Variants in MKLN1 observed in about 807,000 individuals in gnomAD.
MKLN1 encodes the protein muskelin.
Under a neutral mutation model 99.0 loss-of-function variants are expected in MKLN1, and 18 were observed. That is an observed-to-expected ratio of 0.18 (90% CI 0.13 to 0.27). The LOEUF is 0.27. Among genes scored for constraint, MKLN1 ranks in the 10% least tolerant of loss-of-function variants. MKLN1 has a pLI of 1.00. For missense variants in MKLN1, 621 were observed against 875.9 expected, an observed-to-expected ratio of 0.71 and a Z score of 3.67; for synonymous variants, 288 against 293.2, an observed-to-expected ratio of 0.98 and a Z score of 0.18.
chr7:131,261,231 T>C (rs1255355994), intron 3 of MKLN1, among the ~76,000 whole-genome samples: 1 of 152,150 alleles, frequency 6.6e-6, no homozygotes. Flanking sequence ...GAGAAAGTAT[T>C]TGCAAACTAT....
intron 1 of MKLN1, among the ~76,000 whole-genome samples, chr7:131,122,647 A>C (rs1417669921): frequency 6.6e-6 from 1 of 152,138 alleles, no homozygotes; most frequent in Non-Finnish European, 1.5e-5. Context: ...ATGAGAGAGA[A>C]AGGTGACTAC....
At chr7:131,328,257 C>T (rs762480372) in intron 1 of MKLN1, 72 of 477,560 alleles carry the variant, frequency 1.5e-4, no homozygotes, top group African/African-American at 7.0e-4. Context: ...GAACCGGAAG[C>T]CCAGCGGTTC....
chr7:131,255,737 C>T (rs1335934611), intron 3 of MKLN1, among the ~76,000 whole-genome samples: 1 of 151,890 alleles, frequency 6.6e-6, no homozygotes, highest in Non-Finnish European at 1.5e-5. Context: ...TGTGCCACCA[C>T]ATCTGACTAA....
intron 2 of MKLN1, among the ~76,000 whole-genome samples, chr7:131,165,765 G>A (rs773482725): frequency 6.6e-6 from 1 of 152,148 alleles, no homozygotes; most frequent in South Asian, 2.1e-4. Context: ...TTGTTCTAGC[G>A]GCACCGGGTG....
chr7:131,208,993 G>A (rs571610487), intron 3 of MKLN1, among the ~76,000 whole-genome samples: 33 of 152,314 alleles, frequency 2.2e-4, no homozygotes, highest in African/African-American at 7.9e-4. Flanking sequence ...CCTGTCTGAA[G>A]TGATGACATT....
chr7:131,297,413 CTGTGTGTGTGTG>C (rs148107325), intron 3 of MKLN1, among the ~76,000 whole-genome samples: 1 of 149,238 alleles, frequency 6.7e-6, no homozygotes, highest in Non-Finnish European at 1.5e-5. Context: ...CACAAATACT[CTGTGTGTGTGTG>C]TGTACATACA....
At chr7:131,208,430 C>CA (rs1269769752) in intron 3 of MKLN1, among the ~76,000 whole-genome samples, 2 of 151,944 alleles carry the variant, frequency 1.3e-5, no homozygotes, top group Non-Finnish European at 2.9e-5. Flanking sequence ...CCTGTCTCAA[C>CA]AAAAAAATAT....
At chr7:131,125,981 G>A (rs1489824326) in intron 1 of MKLN1, among the ~76,000 whole-genome samples, 1 of 150,266 alleles carries the variant, frequency 6.7e-6, no homozygotes, top group Non-Finnish European at 1.5e-5. Context: ...ACTCCAGCCT[G>A]GGCGACAGAG....
At chr7:131,439,865 AAC>A (rs57399724) in intron 10 of MKLN1, among the ~76,000 whole-genome samples, 185 of 146,306 alleles carry the variant, frequency 1.3e-3, no homozygotes, top group African/African-American at 4.1e-3. Flanking sequence ...AAAAGATTTA[AAC>A]ACACACACAC....
intron 2 of MKLN1, among the ~76,000 whole-genome samples, chr7:131,180,905 A>G (rs1262994742): frequency 6.6e-6 from 1 of 152,160 alleles, no homozygotes; most frequent in African/African-American, 2.4e-5. Context: ...TATACAATAC[A>G]TAAATGACTT....
intron 3 of MKLN1, among the ~76,000 whole-genome samples, chr7:131,245,375 C>T (rs941046965): frequency 1.3e-5 from 2 of 148,214 alleles, no homozygotes; most frequent in African/African-American, 2.5e-5. Context: ...TCAAGCAATT[C>T]TCCTACCTCA....
At chr7:131,426,496 G>T (rs1041894498) in intron 8 of MKLN1, among the ~76,000 whole-genome samples, 5 of 151,622 alleles carry the variant, frequency 3.3e-5, no homozygotes, top group Non-Finnish European at 7.4e-5. Context: ...GTGCCATTTT[G>T]GAAACAGAAT....
intron 1 of MKLN1, among the ~76,000 whole-genome samples, chr7:131,125,202 A>G (rs1239701800): frequency 6.6e-6 from 1 of 152,248 alleles, no homozygotes; most frequent in Non-Finnish European, 1.5e-5. Context: ...CTTATCTGAT[A>G]TCTACTGACA....
intron 3 of MKLN1, among the ~76,000 whole-genome samples, chr7:131,257,934 A>G (rs1420231653): frequency 6.6e-6 from 1 of 152,052 alleles, no homozygotes; most frequent in African/African-American, 2.4e-5. Flanking sequence ...AGCCCGGGCA[A>G]CATAATGAGA....
At chr7:131,230,887 G>A (rs900253552) in intron 3 of MKLN1, among the ~76,000 whole-genome samples, 3 of 152,026 alleles carry the variant, frequency 2.0e-5, no homozygotes, top group Non-Finnish European at 2.9e-5. Flanking sequence ...TTGGGAGGCC[G>A]AGGCAGATGG....
intron 2 of MKLN1, among the ~76,000 whole-genome samples, chr7:131,186,711 G>A (rs1796455807): frequency 1.3e-5 from 2 of 152,180 alleles, no homozygotes; most frequent in Non-Finnish European, 2.9e-5. Context: ...GTGGAAACAG[G>A]CAAGCATACC....
chr7:131,435,300 G>T (rs182868610), intron 9 of MKLN1, among the ~76,000 whole-genome samples: 2 of 152,076 alleles, frequency 1.3e-5, no homozygotes, highest in Admixed American at 6.5e-5. Flanking sequence ...TTCATAAGGG[G>T]TCCTAGCCAT....
chr7:131,217,743 G>C (rs1467791047), intron 3 of MKLN1, among the ~76,000 whole-genome samples: 1 of 152,164 alleles, frequency 6.6e-6, no homozygotes, highest in South Asian at 2.1e-4. Flanking sequence ...CTCCTTAAAA[G>C]AGTGTTAGTT....
At chr7:131,299,469 G>A (rs901654734) in intron 3 of MKLN1, among the ~76,000 whole-genome samples, 13 of 152,066 alleles carry the variant, frequency 8.5e-5, no homozygotes, top group Non-Finnish European at 4.4e-5. Flanking sequence ...TTTCTCCTTG[G>A]AGAGAGAAAT....
Sources: gnomAD v4.1 joint callset for allele counts (sites outside exome capture counted in the v4.1 genomes callset) on GRCh38, gnomAD v4.1.1 for gene constraint, MANE v1.5 for transcripts, NCBI Gene and HGNC (gene_info 2026-07-23, HGNC 2026-07-21) for gene names.